Variants in UBR2 observed in about 807,000 individuals in gnomAD.
UBR2 encodes the protein E3 ubiquitin-protein ligase UBR2.
A neutral mutation model predicts 247.9 loss-of-function variants in UBR2; 92 were observed. The ratio of observed to expected loss-of-function variants is 0.37; its 90% CI spans 0.31 to 0.44. UBR2 has a LOEUF of 0.44. UBR2 is among the 20% of genes least tolerant of loss of function. The pLI is 1.00. For synonymous variants in UBR2, 672 were observed against 693.5 expected (o/e 0.97, Z 0.49); for missense variants, 1,613 against 2,112.6 (o/e 0.76, Z 4.64).
chr6:42,643,295 A>G (rs1796549668), intron 18 of UBR2, among the ~76,000 whole-genome samples: 1 of 152,104 alleles, frequency 6.6e-6, no homozygotes, highest in Non-Finnish European at 1.5e-5. Context: ...GGATTTAGTC[A>G]TTATAGAAAA....
intron 13 of UBR2, among the ~76,000 whole-genome samples, chr6:42,633,478 C>G (rs1795888307): frequency 6.6e-6 from 1 of 151,884 alleles, no homozygotes; most frequent in Non-Finnish European, 1.5e-5. Context: ...GCAATCTCCA[C>G]CTCCAGAGTT....
intron 16 of UBR2, 133 bp downstream of exon 16, chr6:42,640,403 TGTG>T (rs1796362743): frequency 1.5e-5 from 7 of 464,656 alleles, no homozygotes; most frequent in Non-Finnish European, 2.6e-5. Context: ...TGTGTGTGTG[TGTG>T]TGTGTGTGTG....
chr6:42,637,840 A>G (rs1243918807), intron 15 of UBR2, among the ~76,000 whole-genome samples: 2 of 152,170 alleles, frequency 1.3e-5, no homozygotes, highest in African/African-American at 4.8e-5. Flanking sequence ...CTGCAGACTC[A>G]TTTCAGTACA....
At chr6:42,584,050 T>C (rs961230663) in intron 2 of UBR2, among the ~76,000 whole-genome samples, 5 of 147,232 alleles carry the variant, frequency 3.4e-5, no homozygotes, top group African/African-American at 1.0e-4. Flanking sequence ...CAGGCTGGAG[T>C]GTAATGGCGC....
intron 11 of UBR2, among the ~76,000 whole-genome samples, chr6:42,621,404 G>A (rs927219421): frequency 6.6e-6 from 1 of 152,118 alleles, no homozygotes; most frequent in Non-Finnish European, 1.5e-5. Context: ...GTGAGTCTCA[G>A]TATCTGATAG....
At chr6:42,685,538 C>T (rs562276448) in intron 44 of UBR2, among the ~76,000 whole-genome samples, 1 of 150,194 alleles carries the variant, frequency 6.7e-6, no homozygotes, top group East Asian at 2.0e-4. Flanking sequence ...AACCTTGGCT[C>T]GCTGCAACCT....
At chr6:42,568,470 C>G (rs759091683) in intron 1 of UBR2, among the ~76,000 whole-genome samples, 8 of 152,144 alleles carry the variant, frequency 5.3e-5, no homozygotes, top group Non-Finnish European at 1.0e-4. Flanking sequence ...TGGCTCACAC[C>G]TGTAATTCCA....
At chr6:42,631,881 T>A (rs868068406) in intron 11 of UBR2, among the ~76,000 whole-genome samples, 9 of 121,662 alleles carry the variant, frequency 7.4e-5, no homozygotes, top group Non-Finnish European at 1.1e-4. Flanking sequence ...TATATATATA[T>A]ATATATATAA....
chr6:42,675,602 CCTTT>C (rs1178438151), intron 38 of UBR2, among the ~76,000 whole-genome samples: 1 of 152,074 alleles, frequency 6.6e-6, no homozygotes, highest in African/African-American at 2.4e-5. Context: ...ACATGGATGC[CCTTT>C]CTTTAAGAAC....
intron 1 of UBR2, among the ~76,000 whole-genome samples, chr6:42,565,904 G>A (rs1790753062): frequency 6.6e-6 from 1 of 151,942 alleles, no homozygotes; most frequent in South Asian, 2.1e-4. Flanking sequence ...GCCTAGGTCT[G>A]TTTTCATTTA....
intron 1 of UBR2, among the ~76,000 whole-genome samples, chr6:42,568,161 A>G (rs929820399): frequency 1.3e-5 from 2 of 152,058 alleles, no homozygotes; most frequent in African/African-American, 4.8e-5. Context: ...TTGAGATATA[A>G]CTCACATACT....
chr6:42,638,269 T>C (rs1796227486), intron 15 of UBR2, among the ~76,000 whole-genome samples: 1 of 152,190 alleles, frequency 6.6e-6, no homozygotes, highest in Non-Finnish European at 1.5e-5. Context: ...ATCTAAGTTA[T>C]CAGATTTGTG....
chr6:42,607,558 A>T (rs979352815), intron 7 of UBR2, among the ~76,000 whole-genome samples: 3 of 151,844 alleles, frequency 2.0e-5, no homozygotes, highest in Non-Finnish European at 2.9e-5. Context: ...TCTGTCACCC[A>T]GGCTGGGGTT....
intron 36 of UBR2, among the ~76,000 whole-genome samples, chr6:42,672,275 T>C (rs1798491257): frequency 6.6e-6 from 1 of 152,066 alleles, no homozygotes; most frequent in African/African-American, 2.4e-5. Context: ...TCAGGTGATC[T>C]GCCCATCTCG....
chr6:42,605,907 T>G, intron 6 of UBR2, 48 bp downstream of exon 6: 3 of 1,487,028 alleles, frequency 2.0e-6, no homozygotes, highest in Non-Finnish European at 2.8e-6. Context: ...TTACTATAGG[T>G]AAGTTACTAT....
chr6:42,647,405 C>A (rs1796830822), intron 21 of UBR2, among the ~76,000 whole-genome samples: 1 of 140,750 alleles, frequency 7.1e-6, no homozygotes, highest in Non-Finnish European at 1.5e-5. Flanking sequence ...CACAGTTAAA[C>A]CCCATCGCTA....
chr6:42,672,410 A>G (rs1404317960), intron 36 of UBR2, among the ~76,000 whole-genome samples: 1 of 151,882 alleles, frequency 6.6e-6, no homozygotes, highest in African/African-American at 2.4e-5. Flanking sequence ...TCCTTCTTCT[A>G]CTTGTTTGGT....
chr6:42,685,194 G>A (rs1353582201), intron 44 of UBR2, among the ~76,000 whole-genome samples: 3 of 151,776 alleles, frequency 2.0e-5, no homozygotes, highest in African/African-American at 7.3e-5. Context: ...GCCTGTAATC[G>A]CAGCTACTCG....
At chr6:42,647,417 TAAAAAAAAAAAAAAA>T (rs750938791) in intron 21 of UBR2, among the ~76,000 whole-genome samples, 1 of 102,168 alleles carries the variant, frequency 9.8e-6, no homozygotes, top group Non-Finnish European at 2.0e-5. Flanking sequence ...CCATCGCTAC[TAAAAAAAAAAAAAAA>T]AAAAAAAAAA....
Sources: gnomAD v4.1 joint callset for allele counts (sites outside exome capture counted in the v4.1 genomes callset) on GRCh38, gnomAD v4.1.1 for gene constraint, MANE v1.5 for transcripts, NCBI Gene and HGNC (gene_info 2026-07-23, HGNC 2026-07-21) for gene names.